Variants in GRAMD1B observed in about 807,000 individuals in gnomAD.
GRAMD1B encodes the protein protein Aster-B.
A neutral mutation model predicts 99.7 loss-of-function variants in GRAMD1B; 37 were observed. That is an observed-to-expected ratio of 0.37 (90% CI 0.29 to 0.49). The LOEUF is 0.49. GRAMD1B is among the 20% of genes least tolerant of loss of function. The pLI is 0.98. For missense variants in GRAMD1B, 888 were observed against 1,009.2 expected (o/e 0.88, Z 1.63); for synonymous variants, 427 against 387.6 (o/e 1.10, Z -1.19).
chr11:123,587,238 G>A lies in GRAMD1B; in HGVS notation c.684+2906G>A, dbSNP rs1420500708. On this transcript the variant is annotated intron_variant, in intron 4 of 19. Coordinates refer to ENST00000635736, the MANE Select transcript of GRAMD1B (RefSeq NM_001387025.1). This position sits in a 1 kb window ranked among gnomAD's most constrained non-coding sequence, Gnocchi z 4.2. Reference sequence around the variant, plus strand: ...TGCGGAGGCAAGTGGCTGGACCCCAGGGACACAGGGAGAGGCCATAGCAGG... The same window carrying A: ...TGCGGAGGCAAGTGGCTGGACCCCAAGGACACAGGGAGAGGCCATAGCAGG... Among the ~76,000 whole-genome samples, 1 of 152,222 alleles carries A rather than the reference G, an allele frequency of 6.6e-6. No individual in the cohort carries two copies. Among genetic ancestry groups the A allele is most frequent in the Non-Finnish European group, 1.5e-5 (1 of 68,034 alleles).
chr11:123,449,102 T>C (rs1405848395), intron 1 of GRAMD1B, among the ~76,000 whole-genome samples: 1 of 152,226 alleles, frequency 6.6e-6, no homozygotes, highest in Non-Finnish European at 1.5e-5. Context: ...TTTGCCACCG[T>C]AAGGCCTTTT....
chr11:123,577,522 G>A lies in GRAMD1B; in HGVS notation c.608G>A (p.Gly203Asp), dbSNP rs1271474946. The change falls in exon 3 of 20, where the codon GGC (glycine) becomes GAC (aspartate). Residue 203 changes from glycine to aspartate, a missense_variant. By Grantham distance (94) the Gly-to-Asp change is moderately conservative. Coordinates refer to ENST00000635736, the MANE Select transcript of GRAMD1B (RefSeq NM_001387025.1). ...SDKSPSTPEQ[G>D]VQRSCSSQSG... ...AAGTCCCCGTCCACACCGGAGCAGG[G>A]CGTGCAGCGCAGCTGCTCCTCCCAG... 1.2e-6 allele frequency: 2 copies of A among 1,600,060 alleles called. No individual in the cohort carries two copies.
chr11:123,511,324 G>A (rs955787733), intron 2 of GRAMD1B, among the ~76,000 whole-genome samples: 5 of 152,128 alleles, frequency 3.3e-5, no homozygotes, highest in African/African-American at 1.2e-4. Flanking sequence ...CGCTGGCCCC[G>A]CCCACTGCTC....
intron 1 of GRAMD1B, among the ~76,000 whole-genome samples, chr11:123,402,018 C>T (rs911876149): frequency 6.6e-6 from 1 of 152,218 alleles, no homozygotes; most frequent in Admixed American, 6.5e-5. Context: ...GCTCTGCATC[C>T]ACCTTCATCA....
intron 1 of GRAMD1B, among the ~76,000 whole-genome samples, chr11:123,438,253 T>C (rs776740627): frequency 6.6e-6 from 1 of 152,108 alleles, no homozygotes; most frequent in Non-Finnish European, 1.5e-5. Flanking sequence ...AGATTAACAT[T>C]CTCCTGGTCC....
intron 2 of GRAMD1B, among the ~76,000 whole-genome samples, chr11:123,500,709 G>T (rs1939766531): frequency 6.6e-6 from 1 of 151,412 alleles, no homozygotes; most frequent in South Asian, 2.1e-4. Flanking sequence ...AGTCTCTTTT[G>T]TCACCCAGGC....
intron 1 of GRAMD1B, among the ~76,000 whole-genome samples, chr11:123,475,993 A>G (rs1951247672): frequency 6.6e-6 from 1 of 152,142 alleles, no homozygotes; most frequent in Non-Finnish European, 1.5e-5. Context: ...GAAGAATTGA[A>G]AGGGTGTGTG....
chr11:123,559,505 A>G (rs916899514), intron 2 of GRAMD1B, among the ~76,000 whole-genome samples: 1 of 152,218 alleles, frequency 6.6e-6, no homozygotes, highest in African/African-American at 2.4e-5. Context: ...TTTGTAAGTC[A>G]TGAATGACTT....
chr11:123,578,883 G>T (rs1949030566), intron 3 of GRAMD1B, among the ~76,000 whole-genome samples: 1 of 152,194 alleles, frequency 6.6e-6, no homozygotes, highest in Admixed American at 6.5e-5. Flanking sequence ...CGCTGACTGG[G>T]GGGCAGGGGT....
chr11:123,430,893 C>G lies in GRAMD1B; in HGVS notation c.101C>G (p.Ser34Trp), dbSNP rs1210654042. ...GGCAGCCCGGTCTGGTCCAGTTCGT[C>G]GACCCCCACGCTTCGCCGCCGGCGC... ...PEGSPVWSSS[S>W]TPTLRRRRFK... Residue 34 changes from serine (S) to tryptophan (W), a missense_variant, in exon 1 of 20, where the codon TCG becomes TGG. By Grantham distance (177) the Ser-to-Trp change is radical. This residue lies in a region of GRAMD1B where 233 missense variants were observed against 154.6 expected (regional missense o/e 1.51). Coordinates refer to ENST00000635736, the MANE Select transcript of GRAMD1B (RefSeq NM_001387025.1). 1 of 702,586 alleles carries G rather than the reference C, an allele frequency of 1.4e-6. No homozygotes were observed. The highest frequency in any genetic ancestry group is 2.6e-6 in the Non-Finnish European group (1 of 384,832). 43.5% of individuals were successfully genotyped at this position (702,586 alleles called of 1,614,324 possible).
chr11:123,449,702 C>A lies in GRAMD1B; in HGVS notation c.374+18536C>A, dbSNP rs553006044. Among the ~76,000 whole-genome samples, 7 of 123,264 alleles carry A rather than the reference C, an allele frequency of 5.7e-5. No individual in the cohort carries two copies. The South Asian group carries it at 1.7e-3, about 30-fold the overall frequency. 80.9% of individuals were successfully genotyped at this position (123,264 alleles called of 152,430 possible). ...AATAGCTGGGTCTGCAGATGCATGC[C>A]ACCATGCCTGGCTTTTTTTTTTTTT... On this transcript the variant is annotated intron_variant, in intron 1 of 19. Transcript: ENST00000635736.
At chr11:123,520,776 C>CAAAA (rs11219185) in intron 2 of GRAMD1B, among the ~76,000 whole-genome samples, 6 of 103,590 alleles carry the variant, frequency 5.8e-5, no homozygotes, top group East Asian at 2.9e-4. Context: ...GAGACCCTGT[C>CAAAA]AAAAAAAAAA....
intron 1 of GRAMD1B, among the ~76,000 whole-genome samples, chr11:123,453,271 AT>A (rs1189119915): frequency 6.6e-6 from 1 of 151,842 alleles, no homozygotes; most frequent in Non-Finnish European, 1.5e-5. Flanking sequence ...TATATATCTA[AT>A]ACACATCAAT....
chr11:123,445,256 CAG>C (rs777831553), intron 1 of GRAMD1B, among the ~76,000 whole-genome samples: 2 of 152,200 alleles, frequency 1.3e-5, no homozygotes, highest in Non-Finnish European at 2.9e-5. Context: ...GCAGGAATGT[CAG>C]TGAGTGCCAG....
At chr11:123,370,337 C>CTTTTT (rs1163332610) in intron 1 of GRAMD1B, among the ~76,000 whole-genome samples, 17 of 102,820 alleles carry the variant, frequency 1.7e-4, no homozygotes, top group Non-Finnish European at 2.4e-4. Flanking sequence ...GAAGTTATCT[C>CTTTTT]TTTTTTTTTT....
rs543105676 is a variant in GRAMD1B at position 123,384,283 on chromosome 11, A to G, written c.-176+25484A>G. On this transcript the variant is annotated intron_variant, in intron 1 of 20. Coordinates refer to the GRAMD1B transcript ENST00000638157. ...GTTTTCTACCATTGTGCCAAAAATG[A>G]TCTCAGCAGTCTCTAATTAATTTCC... is the stretch of plus-strand genomic sequence containing the variant. Among the ~76,000 whole-genome samples the G allele has an allele frequency of 1.1e-4, 17 of 152,336 alleles. No homozygotes were observed. The South Asian group carries it at 3.5e-3, about 32-fold the overall frequency.
At chr11:123,376,184 A>T (rs1372032032) in intron 1 of GRAMD1B, among the ~76,000 whole-genome samples, 1 of 152,212 alleles carries the variant, frequency 6.6e-6, no homozygotes, top group Non-Finnish European at 1.5e-5. Context: ...TAGCAGTGTT[A>T]GAAAAATGTT....
chr11:123,492,857 T>TCACACAC lies in GRAMD1B; in HGVS notation c.452+11964_452+11965insCACACAC, dbSNP rs1938719002. ...CCTCTCTCTCTCTCTGTCTCTCTCT[T>TCACACAC]TCACACATACACACACACACACACA... is the stretch of plus-strand genomic sequence containing the variant. On this transcript the variant is annotated intron_variant, in intron 2 of 19. Coordinates refer to ENST00000635736, the MANE Select transcript of GRAMD1B (RefSeq NM_001387025.1). This position sits in a 1 kb window ranked among gnomAD's most constrained non-coding sequence, Gnocchi z 4.2. Among the ~76,000 whole-genome samples the TCACACAC allele has an allele frequency of 2.8e-4, 19 of 69,090 alleles. No homozygotes were observed. The highest frequency in any genetic ancestry group is 2.1e-3 in the African/African-American group (18 of 8,378). The allele number at this position is 69,090 out of a possible 152,430, so 45.3% of individuals were successfully genotyped here. A position where few individuals can be genotyped will look rare whatever the true frequency, so the allele number is the denominator to read the frequency against.
At chr11:123,545,436 G>T (rs1044344660) in intron 2 of GRAMD1B, among the ~76,000 whole-genome samples, 3 of 152,164 alleles carry the variant, frequency 2.0e-5, no homozygotes, top group African/African-American at 7.2e-5. Flanking sequence ...AATCATGTGG[G>T]GACCTAGTCC....
Sources: allele counts gnomAD v4.1 joint callset (sites outside exome capture counted in the v4.1 genomes callset), GRCh38; gene constraint gnomAD v4.1.1; regional missense constraint gnomAD v4.1.1; non-coding constraint Gnocchi (gnomAD v3.1); transcripts MANE v1.5; gene names NCBI Gene and HGNC (gene_info 2026-07-23, HGNC 2026-07-21).